Variants in LRP1B observed in about 807,000 individuals in gnomAD.
The protein encoded by LRP1B is low-density lipoprotein receptor-related protein 1B.
LRP1B carries 217 observed loss-of-function variants against 556.6 expected under a neutral mutation model. The ratio of observed to expected loss-of-function variants is 0.39; its 90% CI spans 0.35 to 0.44. The LOEUF (loss-of-function observed/expected upper bound fraction) is 0.44. LRP1B is among the 20% of genes least tolerant of loss of function. The pLI is 1.00. For missense variants in LRP1B, 5,053 were observed against 5,620.8 expected (o/e 0.90, Z 3.23); for synonymous variants, 2,047 against 1,865.8 (o/e 1.10, Z -2.50).
chr2:142,125,900 T>C (rs748281969), intron 1 of LRP1B, among the ~76,000 whole-genome samples: 5 of 151,882 alleles, frequency 3.3e-5, no homozygotes, highest in Non-Finnish European at 7.4e-5. Context: ...ATAGTTTTGG[T>C]CATTATTCTT....
chr2:140,733,093 A>G (rs1282364630), intron 35 of LRP1B, among the ~76,000 whole-genome samples: 1 of 152,156 alleles, frequency 6.6e-6, no homozygotes, highest in Non-Finnish European at 1.5e-5. Context: ...AAAAACAGTG[A>G]CAGACTAGTA....
intron 1 of LRP1B, among the ~76,000 whole-genome samples, chr2:141,906,945 A>G (rs1699775227): frequency 6.6e-6 from 1 of 152,056 alleles, no homozygotes. Context: ...CCATTTTGGC[A>G]GAGACACATG....
intron 3 of LRP1B, among the ~76,000 whole-genome samples, chr2:141,307,227 T>C (rs58315763): frequency 0.1 from 15,959 of 152,206 alleles, 1,006 homozygotes; most frequent in East Asian, 0.16. Flanking sequence ...CAAATATTAT[T>C]GTACTGGAGT....
At chr2:141,733,678 T>C (rs1253034027) in intron 2 of LRP1B, among the ~76,000 whole-genome samples, 2 of 152,098 alleles carry the variant, frequency 1.3e-5, no homozygotes, top group Non-Finnish European at 2.9e-5. Flanking sequence ...ATCATCATAG[T>C]TGTCTTACAT....
At chr2:140,825,390 ATGT>A (rs1455420879) in intron 31 of LRP1B, among the ~76,000 whole-genome samples, 7 of 152,050 alleles carry the variant, frequency 4.6e-5, no homozygotes, top group Non-Finnish European at 1.0e-4. Flanking sequence ...ACTTTTGGTC[ATGT>A]TGTCTCCCAG....
At chr2:142,106,728 T>G (rs1324009315) in intron 1 of LRP1B, among the ~76,000 whole-genome samples, 1 of 152,102 alleles carries the variant, frequency 6.6e-6, no homozygotes, top group Non-Finnish European at 1.5e-5. Flanking sequence ...AGTATAATAA[T>G]CAGTGGTAAT....
intron 1 of LRP1B, among the ~76,000 whole-genome samples, chr2:141,969,026 C>G (rs1269084299): frequency 6.6e-6 from 1 of 151,302 alleles, no homozygotes; most frequent in African/African-American, 2.4e-5. Flanking sequence ...TGCATTCAAT[C>G]TAAAGTTTGC....
chr2:140,614,004 A>T (rs1322347464), intron 41 of LRP1B, among the ~76,000 whole-genome samples: 1 of 152,106 alleles, frequency 6.6e-6, no homozygotes, highest in Admixed American at 6.6e-5. Context: ...TCTGTCTCCC[A>T]GTTTCTGTGG....
intron 2 of LRP1B, among the ~76,000 whole-genome samples, chr2:141,501,504 C>T (rs1056382221): frequency 6.6e-6 from 1 of 152,038 alleles, no homozygotes; most frequent in Non-Finnish European, 1.5e-5. Context: ...GCTTATACTA[C>T]AGTATAATTA....
intron 3 of LRP1B, among the ~76,000 whole-genome samples, chr2:141,285,116 G>C (rs994230188): frequency 3.9e-5 from 2 of 51,202 alleles, no homozygotes; most frequent in Non-Finnish European, 3.9e-5. Context: ...TTTTTTTTTT[G>C]AGACGGAGTC....
chr2:140,396,010 T>C (rs1260579416), intron 66 of LRP1B, among the ~76,000 whole-genome samples: 1 of 152,192 alleles, frequency 6.6e-6, no homozygotes, highest in Non-Finnish European at 1.5e-5. Flanking sequence ...ATGCCTGCTA[T>C]TCCATTCATC....
intron 2 of LRP1B, among the ~76,000 whole-genome samples, chr2:141,781,175 G>A (rs1015783338): frequency 6.6e-6 from 1 of 152,058 alleles, no homozygotes; most frequent in African/African-American, 2.4e-5. Context: ...GCCATTGGGA[G>A]GTAAGCCCTG....
At chr2:140,289,976 A>C (rs1234887948) in intron 84 of LRP1B, among the ~76,000 whole-genome samples, 1 of 151,974 alleles carries the variant, frequency 6.6e-6, no homozygotes, top group South Asian at 2.1e-4. Flanking sequence ...TTGGAGAGGG[A>C]TCTTGCTAGA....
chr2:141,323,226 C>G (rs984144105), intron 3 of LRP1B, among the ~76,000 whole-genome samples: 5 of 152,044 alleles, frequency 3.3e-5, no homozygotes, highest in African/African-American at 9.7e-5. Context: ...CACCTTAAAA[C>G]TGATAAATTT....
At chr2:140,350,174 C>G (rs1243483027) in intron 77 of LRP1B, among the ~76,000 whole-genome samples, 1 of 151,762 alleles carries the variant, frequency 6.6e-6, no homozygotes, top group Non-Finnish European at 1.5e-5. Context: ...CTTGACATGC[C>G]CTAAAACAAA....
At chr2:141,380,674 C>A (rs1275225513) in intron 3 of LRP1B, among the ~76,000 whole-genome samples, 2 of 152,206 alleles carry the variant, frequency 1.3e-5, no homozygotes, top group African/African-American at 4.8e-5. Flanking sequence ...CTCTCCTCAG[C>A]TCAGTGCAGA....
At chr2:140,715,361 G>C (rs1687172920) in intron 37 of LRP1B, among the ~76,000 whole-genome samples, 2 of 152,056 alleles carry the variant, frequency 1.3e-5, no homozygotes, top group African/African-American at 4.8e-5. Context: ...TAAAGATAGA[G>C]GGTGTTGGAT....
At chr2:141,720,742 T>A (rs992679927) in intron 2 of LRP1B, among the ~76,000 whole-genome samples, 1 of 150,920 alleles carries the variant, frequency 6.6e-6, no homozygotes, top group East Asian at 1.9e-4. Context: ...GTGATTGTCT[T>A]GAAAAGAAAG....
chr2:141,379,899 CT>C (rs1283656679), intron 3 of LRP1B, among the ~76,000 whole-genome samples: 1 of 152,116 alleles, frequency 6.6e-6, no homozygotes, highest in African/African-American at 2.4e-5. Context: ...CAATTCTCAG[CT>C]TTTTCAGCTA....
Sources: allele counts gnomAD v4.1 joint callset (sites outside exome capture counted in the v4.1 genomes callset), GRCh38; gene constraint gnomAD v4.1.1; transcripts MANE v1.5; gene names NCBI Gene and HGNC (gene_info 2026-07-23, HGNC 2026-07-21).